The following IPO13 variants were observed in gnomAD, a reference collection of about 807,000 sequenced individuals.
The protein encoded by IPO13 is importin 13.
A neutral mutation model predicts 115.5 loss-of-function variants in IPO13; 28 were observed. The observed-to-expected ratio is 0.24, with a 90% CI of 0.18 to 0.33. IPO13 has a LOEUF of 0.33. IPO13 is among the 10% of genes least tolerant of loss of function. The pLI, the probability that IPO13 is intolerant of heterozygous loss-of-function variation, is 1.00. For synonymous variants in IPO13, 414 were observed against 478.9 expected (o/e 0.86, Z 1.77); for missense variants, 785 against 1,204.6 (o/e 0.65, Z 5.16).
In IPO13 at chr1:43,957,484, T is replaced by C; in HGVS notation, c.1475T>C (p.Ile492Thr). The change falls in exon 7 of 20, where the codon ATT (isoleucine) becomes ACT (threonine). Residue 492 changes from isoleucine (I) to threonine (T), a missense_variant. Physicochemically the swap from Ile to Thr is moderately conservative, Grantham distance 89. Around this residue, in one of 3 missense-constraint regions of IPO13, gnomAD observed 175 missense variants for 360.0 expected, o/e 0.49. Coordinates refer to ENST00000372343, the MANE Select transcript of IPO13 (RefSeq NM_014652.4). ...VNYSDVVPGLIGLIPRISISN... is the reference protein window; with the variant it reads ...VNYSDVVPGLTGLIPRISISN... ...TATTCTGATGTGGTGCCTGGGCTCA[T>C]TGGCCTCATCCCACGGATCAGCATC... is the stretch of plus-strand genomic sequence containing the variant. The C allele has an allele frequency of 6.2e-7, 1 of 1,614,232 alleles. No individual in the cohort carries two copies. The highest frequency in any genetic ancestry group is 8.5e-7 in the Non-Finnish European group (1 of 1,180,040).
intron 15 of IPO13, among the ~76,000 whole-genome samples, chr1:43,964,988 G>T (rs1286588212): frequency 2.0e-5 from 3 of 152,164 alleles, no homozygotes; most frequent in Non-Finnish European, 4.4e-5. Flanking sequence ...TGAGATGAAT[G>T]TGTGCCTTGA....
At position 43,952,125 on chromosome 1, in the gene IPO13, GTA is replaced by G. The variant is rs1306514022; in HGVS notation, c.821+1976_821+1977del. 5.9e-5 allele frequency among the ~76,000 whole-genome samples: 9 copies of G among 152,262 alleles called. No individual in the cohort carries two copies. The highest frequency in any genetic ancestry group is 1.2e-4 in the Non-Finnish European group (8 of 68,024). On this transcript the variant is annotated intron_variant, in intron 2 of 19. Transcript: ENST00000372343. The surrounding 1 kb of genome is among the most constrained non-coding windows in gnomAD (Gnocchi z 4.7). The stretch of plus-strand genomic sequence containing the variant: ...ACATGTTTTAAAATGGGAACTGTGT[GTA>G]TATGTTCTACCTTTATACTTTATGT...
intron 1 of IPO13, 108 bp from the exon 2 acceptor site, chr1:43,949,309 C>G (rs1348832434): frequency 9.0e-6 from 11 of 1,221,840 alleles, no homozygotes; most frequent in South Asian, 1.6e-5. Context: ...GCTCAGCCCC[C>G]CAGTCAGGGA....
Position 43,967,712 on chromosome 1 carries a change from C to T in IPO13, c.*30C>T, listed in dbSNP as rs116387275. The T allele has an allele frequency of 1.8e-3, 2,939 of 1,588,918 alleles. 58 individuals carry two copies. The African/African-American group carries it at 0.037, about 20-fold the overall frequency. ...TGCCCCCATCCCATCCACCCCTTCT[C>T]TTCATCCTTCCCTATTCCCAAAGAG... On this transcript the variant is annotated 3_prime_UTR_variant, in exon 20 of 20. Transcript: ENST00000372343. This position sits in a 1 kb window ranked among gnomAD's most constrained non-coding sequence, Gnocchi z 6.1.
Position 43,967,673 on chromosome 1 carries a change from T to G in IPO13, c.2883T>G (p.Ala961=), listed in dbSNP as rs1221139777. The stretch of plus-strand genomic sequence containing the variant: ...GTCTCCATGGCACAGATTACACAGC[T>G]GACTACTGAGGGGTGCCCCCATCCC... ...CRGLHGTDYT[A]DY The change falls in exon 20 of 20, where the codon GCT becomes GCG. Residue 961 remains alanine (A), a synonymous_variant. Coordinates refer to ENST00000372343, the MANE Select transcript of IPO13 (RefSeq NM_014652.4). The surrounding 1 kb of genome is among the most constrained non-coding windows in gnomAD (Gnocchi z 6.1). 1 of 1,614,132 alleles carries G rather than the reference T, an allele frequency of 6.2e-7. No individual in the cohort carries two copies.
rs1211515806 is a variant in IPO13 at position 43,958,450 on chromosome 1, C to T, written c.1750-11C>T. On this transcript the variant is annotated splice_polypyrimidine_tract_variant and intron_variant, in intron 9 of 19. Coordinates refer to ENST00000372343, the MANE Select transcript of IPO13 (RefSeq NM_014652.4). The surrounding 1 kb of genome is among the most constrained non-coding windows in gnomAD (Gnocchi z 6.3). ...GTGGCCAGGACTGACCATCCATGTT[C>T]TGCCCCACAGACAAGCCAGTGCATG... The T allele has an allele frequency of 1.2e-6, 2 of 1,613,948 alleles. No homozygotes were observed. The highest frequency in any genetic ancestry group is 2.2e-5 in the East Asian group (1 of 44,888).
Position 43,966,548 on chromosome 1 carries a change from T to C in IPO13, c.2398-27T>C. 6.2e-7 allele frequency: 1 copy of C among 1,612,670 alleles called. No homozygotes were observed. The highest frequency in any genetic ancestry group is 8.5e-7 in the Non-Finnish European group (1 of 1,178,744). ...GATGGTCCTTGGAGCTGGCTGGGGC[T>C]GGGCTTACCAGCTCCACCTCCTGCA... On this transcript the variant is annotated intron_variant, in intron 15 of 19. Coordinates refer to ENST00000372343, the MANE Select transcript of IPO13 (RefSeq NM_014652.4). This position sits in a 1 kb window ranked among gnomAD's most constrained non-coding sequence, Gnocchi z 4.1.
In IPO13 at chr1:43,958,598, G is replaced by A. The variant is rs751267911; in HGVS notation, c.1884+3G>A. 1.2e-6 allele frequency: 2 copies of A among 1,614,060 alleles called. No individual in the cohort carries two copies. Among genetic ancestry groups the A allele is most frequent in the East Asian group, 4.5e-5 (2 of 44,872 alleles). On this transcript the variant is annotated splice_donor_region_variant and intron_variant, in intron 10 of 19. Coordinates refer to ENST00000372343, the MANE Select transcript of IPO13 (RefSeq NM_014652.4). The surrounding 1 kb of genome is among the most constrained non-coding windows in gnomAD (Gnocchi z 6.3). ...TGGAGAAGCTGGCAGAGGAGATAGT[G>A]AGTGAGCTCTGGGGGCCAGGGAGCG...
Position 43,958,956 on chromosome 1 carries a change from A to C in IPO13, c.2028+67A>C. On this transcript the variant is annotated intron_variant, in intron 11 of 19. Coordinates refer to ENST00000372343, the MANE Select transcript of IPO13 (RefSeq NM_014652.4). This position sits in a 1 kb window ranked among gnomAD's most constrained non-coding sequence, Gnocchi z 6.3. ...ATCCCCCCAACCCCCACCTGTGGGA[A>C]TGTCATTGTCACTCTTCAATTCTGT... The C allele has an allele frequency of 1.4e-6, 2 of 1,439,902 alleles. No homozygotes were observed. Among genetic ancestry groups the C allele is most frequent in the Non-Finnish European group, 1.9e-6 (2 of 1,030,570 alleles). 89.2% of individuals were successfully genotyped at this position (1,439,902 alleles called of 1,614,324 possible). A position where few individuals can be genotyped will look rare whatever the true frequency, so the allele number is the denominator to read the frequency against.
chr1:43,967,635 C>G lies in IPO13; in HGVS notation c.2845C>G (p.Leu949Val). 1 of 1,614,230 alleles carries G rather than the reference C, an allele frequency of 6.2e-7. No individual in the cohort carries two copies. The highest frequency in any genetic ancestry group is 8.5e-7 in the Non-Finnish European group (1 of 1,180,028). The change falls in exon 20 of 20, where the codon CTG becomes GTG. Residue 949 changes from leucine to valine, a missense_variant. Physicochemically the swap from Leu to Val is conservative, Grantham distance 32. Coordinates refer to ENST00000372343, the MANE Select transcript of IPO13 (RefSeq NM_014652.4). The surrounding 1 kb of genome is among the most constrained non-coding windows in gnomAD (Gnocchi z 6.1). ...GAAGGAGATGGTGAAGGAGTTCACA[C>G]TGCTGTGCCGGGGTCTCCATGGCAC... is the stretch of plus-strand genomic sequence containing the variant. ...RVKEMVKEFT[L>V]LCRGLHGTDY...
chr1:43,958,754 C>T lies in IPO13; in HGVS notation c.1893C>T (p.Pro631=). ...TTTGCTTCTCCCTGCAGCCCAATCC[C>T]TCCAACAAGCTGGCCATTGTTCACA... ...LEKLAEEIPN[P]SNKLAIVHIL... is the part of the protein sequence containing the mutation. Residue 631 remains proline, a synonymous_variant, in exon 11 of 20, where the codon CCC becomes CCT. Transcript: ENST00000372343. This position sits in a 1 kb window ranked among gnomAD's most constrained non-coding sequence, Gnocchi z 6.3. 1 of 1,614,170 alleles carries T rather than the reference C, an allele frequency of 6.2e-7. No individual in the cohort carries two copies. The highest frequency in any genetic ancestry group is 8.5e-7 in the Non-Finnish European group (1 of 1,180,024).
chr1:43,957,012 C>G, intron 5 of IPO13, 36 bp downstream of exon 5: 1 of 1,604,162 alleles, frequency 6.2e-7, no homozygotes, highest in Non-Finnish European at 8.5e-7. Context: ...AAAATGGAGT[C>G]CAGAAATAAT....
intron 2 of IPO13, chr1:43,953,205 C>G (rs939215633): frequency 3.3e-5 from 5 of 152,406 alleles, no homozygotes; most frequent in African/African-American, 1.2e-4. Flanking sequence ...TTTCTCAGCT[C>G]TGCTCCTGAA....
In IPO13 at chr1:43,958,234, C is replaced by G. The variant is rs1401780226; in HGVS notation, c.1723-8C>G. The stretch of plus-strand genomic sequence containing the variant: ...TGCTGATACTACATTCCTTCTTTCT[C>G]CCCTCAGGATGTGCTGATGAAACAG... On this transcript the variant is annotated splice_polypyrimidine_tract_variant and splice_region_variant and intron_variant, in intron 8 of 19. Coordinates refer to ENST00000372343, the MANE Select transcript of IPO13 (RefSeq NM_014652.4). This position sits in a 1 kb window ranked among gnomAD's most constrained non-coding sequence, Gnocchi z 6.3. The G allele has an allele frequency of 1.2e-6, 2 of 1,614,172 alleles. No individual in the cohort carries two copies. Among genetic ancestry groups the G allele is most frequent in the Admixed American group, 3.3e-5 (2 of 60,030 alleles).
intron 15 of IPO13, among the ~76,000 whole-genome samples, chr1:43,965,442 A>G (rs1185290003): frequency 6.6e-6 from 1 of 151,936 alleles, no homozygotes; most frequent in Admixed American, 6.6e-5. Context: ...GTAGGGTGGG[A>G]GGAGGGAAGA....
Position 43,957,371 on chromosome 1 carries a change from C to T in IPO13, c.1393-31C>T, listed in dbSNP as rs149447036. On this transcript the variant is annotated intron_variant, in intron 6 of 19. Transcript: ENST00000372343. Reference sequence around the variant, plus strand: ...CCCAGACCTGTCACACCCTCCTCCTCATCCAAGCCAGTGGCACCCTCTTTC... The same window carrying T: ...CCCAGACCTGTCACACCCTCCTCCTTATCCAAGCCAGTGGCACCCTCTTTC... 2.7e-4 allele frequency: 432 copies of T among 1,613,786 alleles called. 2 individuals carry two copies. In the African/African-American group the frequency reaches 5.1e-3, roughly 19 times the overall value.
intron 15 of IPO13, 100 bp downstream of exon 15, chr1:43,964,421 A>AT (rs1557635344): frequency 3.1e-5 from 31 of 1,004,762 alleles, no homozygotes; most frequent in Non-Finnish European, 4.2e-5. Context: ...CTGTTGACAA[A>AT]TTTTTTTTCT....
At position 43,957,221 on chromosome 1, in the gene IPO13, A is replaced by G. The variant is rs2085256956; in HGVS notation, c.1298A>G (p.Tyr433Cys). ...YRVDISDTLM[Y>C]VYEMLGAELL... ...GTGGACATCTCAGACACGCTCATGT[A>G]TGTCTATGAGATGTTGGGGGCCGAG... The change falls in exon 6 of 20, where the codon TAT becomes TGT. Residue 433 changes from tyrosine (Y) to cysteine (C), a missense_variant. Physicochemically the swap from Tyr to Cys is radical, Grantham distance 194 (BLOSUM62 -2). Transcript: ENST00000372343. 2 of 1,614,028 alleles carry G rather than the reference A, an allele frequency of 1.2e-6. No individual in the cohort carries two copies. Among genetic ancestry groups the G allele is most frequent in the Non-Finnish European group, 1.7e-6 (2 of 1,179,974 alleles).
chr1:43,948,953 G>T (rs77418277), intron 1 of IPO13, among the ~76,000 whole-genome samples: 3 of 152,204 alleles, frequency 2.0e-5, no homozygotes, highest in Non-Finnish European at 4.4e-5. Context: ...CCAGCATCTG[G>T]ACTGACCTAG....
Sources: gnomAD v4.1 joint callset for allele counts (sites outside exome capture counted in the v4.1 genomes callset) on GRCh38, gnomAD v4.1.1 for gene constraint, gnomAD v4.1.1 regional missense constraint, Gnocchi (gnomAD v3.1) non-coding constraint, MANE v1.5 for transcripts, NCBI Gene and HGNC (gene_info 2026-07-23, HGNC 2026-07-21) for gene names.